Variants in ATP9A observed in about 807,000 individuals in gnomAD.
The protein encoded by ATP9A is ATPase phospholipid transporting 9A.
Under a neutral mutation model 144.1 loss-of-function variants are expected in ATP9A, and 52 were observed. The observed-to-expected ratio is 0.36, with a 90% CI of 0.29 to 0.45. The LOEUF is 0.45. Among genes scored for constraint, ATP9A ranks in the 20% least tolerant of loss-of-function variants. ATP9A has a pLI of 1.00. For missense variants in ATP9A, 947 were observed against 1,392.7 expected (o/e 0.68, Z 5.09); for synonymous variants, 582 against 557.4 (o/e 1.04, Z -0.62).
chr20:51,733,606 C>G (rs2077751057), intron 1 of ATP9A, among the ~76,000 whole-genome samples: 1 of 152,124 alleles, frequency 6.6e-6, no homozygotes, highest in Non-Finnish European at 1.5e-5. Flanking sequence ...AACTCCTGAC[C>G]TCGTGATCCG....
At chr20:51,762,663 A>C (rs931838414) in intron 1 of ATP9A, among the ~76,000 whole-genome samples, 2 of 151,078 alleles carry the variant, frequency 1.3e-5, no homozygotes, top group African/African-American at 4.9e-5. Context: ...CTGTCTAAAA[A>C]CAAACAAACA....
chr20:51,606,649 C>A (rs949105036), intron 26 of ATP9A, among the ~76,000 whole-genome samples: 1 of 152,214 alleles, frequency 6.6e-6, no homozygotes, highest in Non-Finnish European at 1.5e-5. Flanking sequence ...ACAGGATCCA[C>A]AGCACAGCAT....
At chr20:51,603,013 T>C (rs550796600) in intron 27 of ATP9A, among the ~76,000 whole-genome samples, 3 of 152,192 alleles carry the variant, frequency 2.0e-5, no homozygotes, top group African/African-American at 4.8e-5. Context: ...GGATGGGCCA[T>C]TGCTAGAGAG....
At chr20:51,603,128 A>G (rs545176268) in intron 27 of ATP9A, among the ~76,000 whole-genome samples, 6 of 152,278 alleles carry the variant, frequency 3.9e-5, no homozygotes, top group African/African-American at 1.4e-4. Context: ...AACACACATG[A>G]GCTTCTTAGC....
rs2077868260 is a variant in ATP9A at position 51,759,079 on chromosome 20, C to A, written c.68+9223G>T. ...GCAGCTAGTCTGGTTTTGGTCAGCACAAGGCAGAGCAAGGGAGGACCTCTG... is the reference window on the plus strand; with the variant it reads ...GCAGCTAGTCTGGTTTTGGTCAGCAAAAGGCAGAGCAAGGGAGGACCTCTG... On this transcript the variant is annotated intron_variant, in intron 1 of 27. Transcript: ENST00000338821. 2.0e-5 allele frequency among the ~76,000 whole-genome samples: 3 copies of A among 152,298 alleles called. No homozygotes were observed. The South Asian group carries it at 6.2e-4, about 32-fold the overall frequency.
At chr20:51,656,305 A>G (rs2077386582) in intron 14 of ATP9A, among the ~76,000 whole-genome samples, 1 of 152,208 alleles carries the variant, frequency 6.6e-6, no homozygotes, top group South Asian at 2.1e-4. Flanking sequence ...TAATCCCAAC[A>G]CTGTGGGAGG....
intron 18 of ATP9A, among the ~76,000 whole-genome samples, chr20:51,624,746 C>T (rs955612571): frequency 2.0e-5 from 3 of 152,222 alleles, no homozygotes; most frequent in East Asian, 3.9e-4. Context: ...GTGGCTCACA[C>T]CTGTAATCCT....
At chr20:51,764,305 G>C (rs1186489996) in intron 1 of ATP9A, among the ~76,000 whole-genome samples, 1 of 152,206 alleles carries the variant, frequency 6.6e-6, no homozygotes, top group Non-Finnish European at 1.5e-5. Context: ...TTCACCACAA[G>C]AGGAGCTCCA....
chr20:51,664,515 G>C (rs1184235851), intron 13 of ATP9A, among the ~76,000 whole-genome samples: 1 of 152,030 alleles, frequency 6.6e-6, no homozygotes, highest in African/African-American at 2.4e-5. Flanking sequence ...CTGAGCCTGA[G>C]GGGTCAAGGC....
At chr20:51,639,313 C>A (rs183752642) in intron 15 of ATP9A, 30 bp downstream of exon 15, 14 of 1,583,216 alleles carry the variant, frequency 8.8e-6, no homozygotes, top group African/African-American at 1.4e-5. Flanking sequence ...GGTACTTAAG[C>A]ACTTTAAGCC....
At chr20:51,637,502 A>C (rs1356565367) in intron 15 of ATP9A, among the ~76,000 whole-genome samples, 2 of 151,938 alleles carry the variant, frequency 1.3e-5, no homozygotes, top group African/African-American at 4.8e-5. Flanking sequence ...GCAGGAAATC[A>C]AGAATTTCAG....
At chr20:51,727,075 C>T (rs2077717603) in intron 2 of ATP9A, among the ~76,000 whole-genome samples, 1 of 151,252 alleles carries the variant, frequency 6.6e-6, no homozygotes. Flanking sequence ...AGGCGGATCA[C>T]GAGGTAAGGA....
chr20:51,716,027 G>T (rs1273884165), intron 3 of ATP9A, among the ~76,000 whole-genome samples: 1 of 152,020 alleles, frequency 6.6e-6, no homozygotes, highest in Non-Finnish European at 1.5e-5. Context: ...TGGGGTGGTG[G>T]GGGCGGGTGG....
intron 17 of ATP9A, 127 bp from the exon 18 acceptor site, chr20:51,625,489 G>A (rs2077244590): frequency 9.1e-7 from 1 of 1,094,248 alleles, no homozygotes; most frequent in Non-Finnish European, 1.3e-6. Context: ...CAGCAGGTGA[G>A]CTGGACCCCA....
intron 14 of ATP9A, among the ~76,000 whole-genome samples, chr20:51,651,986 T>C (rs2077368605): frequency 6.6e-6 from 1 of 151,868 alleles, no homozygotes; most frequent in Admixed American, 6.5e-5. Flanking sequence ...GACAAGTGAA[T>C]GAGCCATGGA....
chr20:51,689,220 G>C (rs1226478519), intron 8 of ATP9A, 81 bp from the exon 9 acceptor site: 2 of 1,393,492 alleles, frequency 1.4e-6, no homozygotes, highest in Non-Finnish European at 2.0e-6. Flanking sequence ...TGGTCCGCTG[G>C]AGATAGAAAG....
intron 9 of ATP9A, among the ~76,000 whole-genome samples, chr20:51,677,108 T>G (rs1192447615): frequency 6.6e-6 from 1 of 150,536 alleles, no homozygotes; most frequent in Middle Eastern, 3.2e-3. Flanking sequence ...TAATTTTTGT[T>G]TTTTTTGTAG....
chr20:51,749,157 T>A (rs73616843), intron 1 of ATP9A, among the ~76,000 whole-genome samples: 1 of 152,094 alleles, frequency 6.6e-6, no homozygotes, highest in Non-Finnish European at 1.5e-5. Context: ...ACCCAGGAGT[T>A]TGAGACAGCC....
chr20:51,659,963 G>A (rs6021356), intron 13 of ATP9A, among the ~76,000 whole-genome samples: 3 of 152,114 alleles, frequency 2.0e-5, no homozygotes, highest in African/African-American at 7.2e-5. Flanking sequence ...TCAGAACTCC[G>A]GTTTAAATGA....
Sources: gnomAD v4.1 joint callset for allele counts (sites outside exome capture counted in the v4.1 genomes callset) on GRCh38, gnomAD v4.1.1 for gene constraint, MANE v1.5 for transcripts, NCBI Gene and HGNC (gene_info 2026-07-23, HGNC 2026-07-21) for gene names.